MIGA1: variants seen among roughly 807,000 people sequenced by gnomAD.
MIGA1 encodes the protein mitoguardin 1.
In MIGA1, 58 loss-of-function variants were observed where a neutral mutation model predicts 82.0. That is an observed-to-expected ratio of 0.71 (90% CI 0.57 to 0.88). The LOEUF (loss-of-function observed/expected upper bound fraction) is 0.88, where lower values mean the gene tolerates loss of function less well. Among genes scored for constraint, MIGA1 ranks in the 40% least tolerant of loss-of-function variants. The pLI is 0.00. For missense variants in MIGA1, 751 were observed against 749.1 expected, an observed-to-expected ratio of 1.00 and a Z score of -0.03; for synonymous variants, 249 against 253.6, an observed-to-expected ratio of 0.98 and a Z score of 0.17.
At chr1:77,867,384 G>C (rs1685711956) in intron 14 of MIGA1, among the ~76,000 whole-genome samples, 1 of 152,208 alleles carries the variant, frequency 6.6e-6, no homozygotes, top group Non-Finnish European at 1.5e-5. Flanking sequence ...GAGTGCCGTG[G>C]CATGATCATA....
At chr1:77,810,935 T>C in intron 5 of MIGA1, 1 of 1,612,056 alleles carries the variant, frequency 6.2e-7, no homozygotes, top group Middle Eastern at 2.3e-4. Flanking sequence ...TTCTTTCTTT[T>C]AAAGTCAGTG....
chr1:77,870,970 C>G lies in MIGA1; in HGVS notation c.1564-2034C>G, dbSNP rs1286591777. On this transcript the variant is annotated intron_variant, in intron 14 of 15. Transcript: ENST00000370791. ...GCGTGGCGGTGCGCGCCTGCAGTCG[C>G]AGGCACTCGGCAGGCTGAGGCAGGA... Among the ~76,000 whole-genome samples the G allele has an allele frequency of 9.9e-5, 15 of 150,754 alleles. No homozygotes were observed. In the East Asian group the frequency reaches 3.0e-3, roughly 30 times the overall value.
intron 8 of MIGA1, chr1:77,847,371 A>G (rs1287138715): frequency 9.5e-7 from 1 of 1,057,016 alleles, no homozygotes; most frequent in African/African-American, 1.6e-5. Flanking sequence ...AAAGGAGGAA[A>G]ACAATACTAA....
intron 14 of MIGA1, among the ~76,000 whole-genome samples, chr1:77,872,343 G>A (rs987766200): frequency 1.3e-5 from 2 of 152,144 alleles, no homozygotes; most frequent in African/African-American, 2.4e-5. Context: ...GCTCACGCCT[G>A]TAATCCCAGC....
intron 8 of MIGA1, among the ~76,000 whole-genome samples, chr1:77,844,976 TGTCTCACACACACATGC>T (rs1406999153): frequency 6.6e-6 from 1 of 152,202 alleles, no homozygotes; most frequent in African/African-American, 2.4e-5. Flanking sequence ...AGTGAGACTC[TGTCTCACACACACATGC>T]ACAGAAGTAG....
chr1:77,841,098 A>T (rs912317092), intron 7 of MIGA1, among the ~76,000 whole-genome samples: 2 of 152,150 alleles, frequency 1.3e-5, no homozygotes, highest in African/African-American at 4.8e-5. Context: ...AGTGTGAAAC[A>T]ATTATGTTGT....
intron 7 of MIGA1, among the ~76,000 whole-genome samples, chr1:77,835,167 C>G (rs1448465671): frequency 6.6e-6 from 1 of 152,138 alleles, no homozygotes; most frequent in East Asian, 1.9e-4. Context: ...TCCAGGACTT[C>G]TAGTTTTCTT....
chr1:77,840,937 G>T (rs777460525), intron 7 of MIGA1, among the ~76,000 whole-genome samples: 10 of 152,084 alleles, frequency 6.6e-5, no homozygotes, highest in Non-Finnish European at 1.2e-4. Flanking sequence ...TTAAGATAAC[G>T]CTTTGAAGGT....
chr1:77,816,046 C>T (rs1426030788), intron 7 of MIGA1, among the ~76,000 whole-genome samples: 1 of 152,162 alleles, frequency 6.6e-6, no homozygotes. Flanking sequence ...CAAGTTCATG[C>T]AATTCTCTTA....
chr1:77,794,109 A>T (rs1365798657), intron 2 of MIGA1, among the ~76,000 whole-genome samples: 3 of 152,066 alleles, frequency 2.0e-5, no homozygotes, highest in African/African-American at 7.2e-5. Context: ...ATTTTGAAAG[A>T]ATTTTATTTA....
At chr1:77,845,938 G>A (rs1468531765) in intron 8 of MIGA1, among the ~76,000 whole-genome samples, 1 of 150,530 alleles carries the variant, frequency 6.6e-6, no homozygotes, top group East Asian at 1.9e-4. Context: ...TGGAACCACG[G>A]ATGAAAAGCT....
Position 77,859,003 on chromosome 1 carries a change from C to T in MIGA1, c.1062C>T (p.Tyr354=), listed in dbSNP as rs368431845. The T allele has an allele frequency of 3.3e-5, 53 of 1,613,836 alleles. No individual in the cohort carries two copies. In the African/African-American group the frequency reaches 3.6e-4, roughly 11 times the overall value. Reference sequence around the variant, plus strand: ...AGTCCCTTTGTCACTGCCCATTTTACGAGGAAGCCATGCATTTAGTTGAAG... The same window carrying T: ...AGTCCCTTTGTCACTGCCCATTTTATGAGGAAGCCATGCATTTAGTTGAAG... The change falls in exon 9 of 16, where the codon TAC becomes TAT. Residue 354 remains tyrosine (Y), a synonymous_variant. Coordinates refer to ENST00000370791, the MANE Select transcript of MIGA1 (RefSeq NM_198549.4).
At chr1:77,828,058 A>T (rs1358948387) in intron 7 of MIGA1, among the ~76,000 whole-genome samples, 1 of 142,540 alleles carries the variant, frequency 7.0e-6, no homozygotes, top group African/African-American at 2.6e-5. Context: ...ACTTTGTCTT[A>T]TAAATAAATA....
At chr1:77,860,177 A>G (rs759931404) in intron 11 of MIGA1, 51 bp downstream of exon 11, 12 of 1,297,918 alleles carry the variant, frequency 9.2e-6, no homozygotes, top group Admixed American at 2.1e-5. Context: ...AGTTGTTTTT[A>G]CCCTTTGAAC....
chr1:77,846,999 C>T (rs1393113539), intron 8 of MIGA1: 2 of 598,542 alleles, frequency 3.3e-6, no homozygotes, highest in African/African-American at 3.7e-5. Flanking sequence ...CTAAATGGAA[C>T]CTTGGAAAGC....
Position 77,859,305 on chromosome 1 carries a change from AT to A in MIGA1, c.1116-7del. The A allele has an allele frequency of 6.2e-7, 1 of 1,605,398 alleles. No individual in the cohort carries two copies. Among genetic ancestry groups the A allele is most frequent in the Non-Finnish European group, 8.5e-7 (1 of 1,172,212 alleles). On this transcript the variant is annotated splice_polypyrimidine_tract_variant and splice_region_variant and intron_variant, in intron 9 of 15. Transcript: ENST00000370791. ...AGTTTAACAATTGTCTCCCCTGTTT[AT>A]TACATAGAACTGAAATGTTGGAGTG... is the stretch of plus-strand genomic sequence containing the variant.
chr1:77,797,751 G>A (rs561742082), intron 2 of MIGA1, among the ~76,000 whole-genome samples: 4 of 151,744 alleles, frequency 2.6e-5, no homozygotes, highest in Non-Finnish European at 5.9e-5. Context: ...TTCAAATTCC[G>A]GTTGCTTATT....
intron 8 of MIGA1, among the ~76,000 whole-genome samples, chr1:77,850,252 G>C (rs1684997193): frequency 6.6e-6 from 1 of 152,166 alleles, no homozygotes. Context: ...AGGTGGAAGT[G>C]ATGACTGTTT....
chr1:77,847,435 C>G, intron 8 of MIGA1: 1 of 1,408,116 alleles, frequency 7.1e-7, no homozygotes, highest in Non-Finnish European at 1.0e-6. Context: ...TTGCTAAAAG[C>G]AGTTGAGATC....
Sources: gnomAD v4.1 joint callset for allele counts (sites outside exome capture counted in the v4.1 genomes callset) on GRCh38, gnomAD v4.1.1 for gene constraint, MANE v1.5 for transcripts, NCBI Gene and HGNC (gene_info 2026-07-23, HGNC 2026-07-21) for gene names.